ABHD18: variants seen among roughly 807,000 people sequenced by gnomAD.
ABHD18 encodes abhydrolase domain containing 18, also known as cardiolipin-specific deacylase, mitochondrial.
In ABHD18, 55 loss-of-function variants were observed where a neutral mutation model predicts 65.9. That is an observed-to-expected ratio of 0.84 (90% CI 0.67 to 1.05). ABHD18 has a LOEUF of 1.05. Ranked by LOEUF, ABHD18 falls within the 50% of genes least tolerant of loss-of-function variation. The probability of loss-of-function intolerance (pLI) is 0.00; values close to 1 mark genes in which losing one functional copy is unlikely to be tolerated. For missense variants in ABHD18, 533 were observed against 558.5 expected (o/e 0.95, Z 0.46); for synonymous variants, 181 against 180.2 (o/e 1.00, Z -0.04).
At chr4:127,996,127 A>G (rs938648417) in intron 4 of ABHD18, among the ~76,000 whole-genome samples, 1 of 152,250 alleles carries the variant, frequency 6.6e-6, no homozygotes, top group African/African-American at 2.4e-5. Context: ...ATATTCATTT[A>G]CATGTGCTGG....
At chr4:128,033,983 G>A (rs1758582166) in intron 12 of ABHD18, among the ~76,000 whole-genome samples, 1 of 115,470 alleles carries the variant, frequency 8.7e-6, no homozygotes, top group Non-Finnish European at 1.7e-5. Context: ...TTTTTGAGCT[G>A]GAGTCTTGCT....
intron 12 of ABHD18, chr4:128,031,031 T>G: frequency 9.9e-7 from 1 of 1,012,332 alleles, no homozygotes; most frequent in Non-Finnish European, 1.2e-6. Flanking sequence ...TTTTTCAGAA[T>G]GGCCTGAACA....
chr4:128,014,242 C>T (rs1016182142), intron 7 of ABHD18, among the ~76,000 whole-genome samples: 1 of 152,130 alleles, frequency 6.6e-6, no homozygotes, highest in Non-Finnish European at 1.5e-5. Flanking sequence ...CTCAGCCCCC[C>T]AAAGTGCTGG....
At chr4:128,000,023 C>A (rs186018307) in intron 4 of ABHD18, among the ~76,000 whole-genome samples, 1 of 152,256 alleles carries the variant, frequency 6.6e-6, no homozygotes, top group Non-Finnish European at 1.5e-5. Context: ...GAGAAGAGAG[C>A]CTGTGCAGGG....
chr4:128,016,121 T>G (rs1755452611), intron 7 of ABHD18, among the ~76,000 whole-genome samples: 1 of 151,828 alleles, frequency 6.6e-6, no homozygotes, highest in African/African-American at 2.4e-5. Flanking sequence ...GCCCAGCTAA[T>G]TTTTGTATTT....
At chr4:128,013,554 C>T (rs1049598324) in intron 7 of ABHD18, among the ~76,000 whole-genome samples, 4 of 151,994 alleles carry the variant, frequency 2.6e-5, no homozygotes, top group Non-Finnish European at 5.9e-5. Flanking sequence ...CAACAAAATC[C>T]GGGCGTGGTG....
At chr4:127,979,915 CA>C (rs59944314) in intron 1 of ABHD18, among the ~76,000 whole-genome samples, 1,796 of 66,498 alleles carry the variant, frequency 0.027, 7 homozygotes, top group African/African-American at 0.046. Flanking sequence ...GACTCCATCT[CA>C]AAAAAAAAAA....
At chr4:128,026,803 TG>T (rs1359840245) in intron 10 of ABHD18, among the ~76,000 whole-genome samples, 2 of 151,522 alleles carry the variant, frequency 1.3e-5, no homozygotes, top group African/African-American at 4.8e-5. Context: ...TTTTTTTTTT[TG>T]AGACGGAGTC....
intron 10 of ABHD18, among the ~76,000 whole-genome samples, 174 bp from the exon 11 acceptor site, chr4:128,028,300 GT>G (rs1560932454): frequency 1.3e-5 from 2 of 151,684 alleles, no homozygotes; most frequent in African/African-American, 4.9e-5. Flanking sequence ...GTTGTGGCAT[GT>G]GTCAGAATTT....
chr4:127,999,061 AATATATAT>A (rs139957914), intron 4 of ABHD18, among the ~76,000 whole-genome samples: 4,574 of 151,234 alleles, frequency 0.03, 295 homozygotes, highest in East Asian at 0.26. Flanking sequence ...AAATATATAA[AATATATAT>A]ATATTTTTAA....
intron 4 of ABHD18, among the ~76,000 whole-genome samples, chr4:127,995,645 G>A (rs1384589752): frequency 6.6e-6 from 1 of 152,064 alleles, no homozygotes; most frequent in Non-Finnish European, 1.5e-5. Context: ...TTTAACAGCA[G>A]TAAATTAAAT....
At chr4:128,019,158 A>G (rs28687198) in intron 8 of ABHD18, among the ~76,000 whole-genome samples, 32,210 of 152,010 alleles carry the variant, frequency 0.21, 3,588 homozygotes, top group East Asian at 0.38. Context: ...ACTGCCTATT[A>G]ACTGGTCTCC....
At chr4:128,016,101 G>A (rs534306966) in intron 7 of ABHD18, among the ~76,000 whole-genome samples, 5 of 151,732 alleles carry the variant, frequency 3.3e-5, no homozygotes, top group East Asian at 2.0e-4. Context: ...TTACAGGCGC[G>A]TGCCACCACG....
chr4:127,975,470 A>G (rs1747734547), intron 1 of ABHD18, among the ~76,000 whole-genome samples: 1 of 152,164 alleles, frequency 6.6e-6, no homozygotes, highest in Admixed American at 6.6e-5. Context: ...ATGTTGTATC[A>G]TGTGCCAGAA....
At chr4:127,993,793 T>G (rs541605199) in intron 4 of ABHD18, among the ~76,000 whole-genome samples, 1 of 149,938 alleles carries the variant, frequency 6.7e-6, no homozygotes, top group Non-Finnish European at 1.5e-5. Flanking sequence ...AGTTGCATTG[T>G]TTTTCACTAT....
intron 11 of ABHD18, 120 bp from the exon 12 acceptor site, chr4:128,030,390 T>A: frequency 1.6e-6 from 1 of 624,392 alleles, no homozygotes; most frequent in Non-Finnish European, 2.5e-6. Context: ...TAGCATATTA[T>A]AGTTGATTTT....
rs759256863 is a variant in ABHD18 at position 128,038,538 on chromosome 4, CAAAT to C, written c.*2729_*2732del. On this transcript the variant is annotated 3_prime_UTR_variant, in exon 13 of 13. Coordinates refer to ENST00000645843, the MANE Select transcript of ABHD18 (RefSeq NM_001358451.3). ...ATTCTTAGGCATAACTAACTTTTCT[CAAAT>C]AAAGTGTGAAAGAAAGTATTTTTAA... is the stretch of plus-strand genomic sequence containing the variant. The C allele has an allele frequency of 1.2e-4, 18 of 152,210 alleles. No individual in the cohort carries two copies. The highest frequency in any genetic ancestry group is 3.4e-3 in the Middle Eastern group (1 of 294). 9.4% of individuals were successfully genotyped at this position (152,210 alleles called of 1,614,324 possible).
intron 1 of ABHD18, among the ~76,000 whole-genome samples, chr4:127,981,212 A>G (rs545137372): frequency 1.3e-5 from 2 of 152,274 alleles, no homozygotes; most frequent in South Asian, 2.1e-4. Context: ...AGGGTATTAA[A>G]TGTATATTCC....
At chr4:127,989,522 A>G (rs537533495) in intron 3 of ABHD18, among the ~76,000 whole-genome samples, 199 bp from the exon 4 acceptor site, 25 of 152,320 alleles carry the variant, frequency 1.6e-4, no homozygotes, top group African/African-American at 6.0e-4. Flanking sequence ...GTATCAAAAC[A>G]TCACATGTAC....
Sources: gnomAD v4.1 joint callset for allele counts (sites outside exome capture counted in the v4.1 genomes callset) on GRCh38, gnomAD v4.1.1 for gene constraint, MANE v1.5 for transcripts, NCBI Gene and HGNC (gene_info 2026-07-23, HGNC 2026-07-21) for gene names.